Variants in ABCA2 observed in about 807,000 individuals in gnomAD.
ABCA2 encodes the protein ATP binding cassette subfamily A member 2, also known as ATP-binding cassette sub-family A member 2.
ABCA2 carries 84 observed loss-of-function variants against 262.8 expected under a neutral mutation model. That is an observed-to-expected ratio of 0.32 (90% CI 0.27 to 0.38). The LOEUF is 0.38. Ranked by LOEUF, ABCA2 falls within the 10% of genes least tolerant of loss-of-function variation. ABCA2 has a pLI of 1.00. For missense variants in ABCA2, 2,662 were observed against 3,405.9 expected, an observed-to-expected ratio of 0.78 and a Z score of 5.44; for synonymous variants, 1,696 against 1,502.9, an observed-to-expected ratio of 1.13 and a Z score of -2.97.
chr9:137,028,673 T>C (rs1296104833), upstream of ABCA2: 1 of 1,185,012 alleles, frequency 8.4e-7, no homozygotes, highest in East Asian at 8.1e-5. The surrounding 1 kb of genome is among the most constrained non-coding windows in gnomAD (Gnocchi z 6.9). Flanking sequence ...AAGGGTCTCC[T>C]GTGTGCTTTG....
chr9:137,017,715 G>C, intron 16 of ABCA2, 23 bp from the exon 17 acceptor site: 1 of 1,608,468 alleles, frequency 6.2e-7, no homozygotes, highest in Non-Finnish European at 8.5e-7. Flanking sequence ...CAGGGGCTTG[G>C]GGCAGGCCCC....
rs747538489 is a variant in ABCA2, at chr9:137,009,530, G to A, written c.6734+11C>T. 1 of 1,612,472 alleles carries A rather than the reference G, an allele frequency of 6.2e-7. No individual in the cohort carries two copies. The highest frequency in any genetic ancestry group is 2.2e-5 in the East Asian group (1 of 44,872). The stretch of plus-strand genomic sequence containing the variant: ...GGTGGGGGCACAAAGAGGGGGTGGG[G>A]GCGCCCTCACCTGTGTGATGTCAGC... On this transcript the variant is annotated intron_variant, in intron 44 of 48. Coordinates refer to ENST00000341511, the MANE Select transcript of ABCA2 (RefSeq NM_001606.5).
At position 137,015,181 on chromosome 9, in the gene ABCA2, A is replaced by G. The variant is rs1438109973; in HGVS notation, c.3698-84T>C. The G allele has an allele frequency of 2.8e-6, 4 of 1,437,334 alleles. No homozygotes were observed. In the Admixed American group the frequency reaches 9.1e-5, roughly 33 times the overall value. The allele number at this position is 1,437,334 out of a possible 1,614,324, so 89.0% of individuals were successfully genotyped here. On this transcript the variant is annotated intron_variant, in intron 24 of 48. Coordinates refer to ENST00000341511, the MANE Select transcript of ABCA2 (RefSeq NM_001606.5). ...AATGGGAACCCAACTGGGTCAAGAT[A>G]TGGGCATTGGAGAGGAAGAACCAGG...
At chr9:137,010,489 C>G in intron 40 of ABCA2, 118 bp from the exon 41 acceptor site, 1 of 1,456,092 alleles carries the variant, frequency 6.9e-7, no homozygotes, top group Non-Finnish European at 9.3e-7. Context: ...CCCCACAGCC[C>G]CACCCCATGC....
Position 137,008,800 on chromosome 9 carries a change from G to A in ABCA2, c.6999C>T (p.Ser2333=), listed in dbSNP as rs764228129. 3.7e-6 allele frequency: 6 copies of A among 1,604,638 alleles called. No individual in the cohort carries two copies. The highest frequency in any genetic ancestry group is 5.1e-6 in the Non-Finnish European group (6 of 1,178,352). ...SEHISLAQVF[S]KMEQVSGVLG... is the part of the protein sequence containing the mutation. ...GCACGCCAGACACCTGCTCCATCTT[G>A]CTGAACACCTGGGCCAGCGAGATGT... The change falls in exon 47 of 49, where the codon AGC becomes AGT. Residue 2333 remains serine, a synonymous_variant. Coordinates refer to ENST00000341511, the MANE Select transcript of ABCA2 (RefSeq NM_001606.5).
intron 2 of ABCA2, 43 bp from the exon 3 acceptor site, chr9:137,023,883 G>A (rs777095485): frequency 3.2e-6 from 3 of 951,390 alleles, no homozygotes; most frequent in Admixed American, 1.9e-5. Flanking sequence ...GGGAGGGAGG[G>A]GGATCAAAAC....
intron 6 of ABCA2, 69 bp from the exon 7 acceptor site, chr9:137,022,070 C>T: frequency 2.7e-6 from 2 of 747,338 alleles, no homozygotes; most frequent in Admixed American, 3.0e-5. Flanking sequence ...GGGCGTGGCT[C>T]CGATGGACGT....
rs1413561024 is a variant in ABCA2, at chr9:137,013,325, G to A, written c.4551-7C>T. On this transcript the variant is annotated splice_polypyrimidine_tract_variant and splice_region_variant and intron_variant, in intron 29 of 48. Transcript: ENST00000341511. ...GTCGGGCGATAGCCGCAGCCTGCGG[G>A]CACCGACAGTGTGAGGTGGGGCTGC... 3.9e-6 allele frequency: 6 copies of A among 1,540,828 alleles called. No homozygotes were observed. Among genetic ancestry groups the A allele is most frequent in the Non-Finnish European group, 5.2e-6 (6 of 1,150,212 alleles).
At position 137,021,479 on chromosome 9, in the gene ABCA2, A is replaced by G. The variant is rs1475880336; in HGVS notation, c.810T>C (p.Ser270=). 1.2e-5 allele frequency: 19 copies of G among 1,611,698 alleles called. No individual in the cohort carries two copies. Among genetic ancestry groups the G allele is most frequent in the Admixed American group, 1.7e-5 (1 of 59,930 alleles). ...GCCTGGCACGCGCAGCAGCCTGCCC[A>G]CTGCAGACAGCATCCCGGTAGCCCT... ...ALQGYRDAVC[S]GQAAARARRF... is the part of the protein sequence containing the mutation. The change falls in exon 8 of 49, where the codon AGT becomes AGC. Residue 270 remains serine, a synonymous_variant. Coordinates refer to ENST00000341511, the MANE Select transcript of ABCA2 (RefSeq NM_001606.5). The surrounding 1 kb of genome is among the most constrained non-coding windows in gnomAD (Gnocchi z 6.0).
Position 137,021,980 on chromosome 9 carries a change from G to A in ABCA2, c.589C>T (p.Pro197Ser), listed in dbSNP as rs778313929. The A allele has an allele frequency of 1.9e-6, 3 of 1,591,692 alleles. No homozygotes were observed. Among genetic ancestry groups the A allele is most frequent in the Admixed American group, 3.5e-5 (2 of 56,660 alleles). The change falls in exon 7 of 49, where the codon CCC (proline) becomes TCC (serine). Residue 197 changes from proline (P) to serine (S), a missense_variant. Physicochemically the swap from Pro to Ser is moderately conservative, Grantham distance 74. Around this residue, in one of 12 missense-constraint regions of ABCA2, gnomAD observed 403 missense variants for 375.9 expected, o/e 1.07. Coordinates refer to ENST00000341511, the MANE Select transcript of ABCA2 (RefSeq NM_001606.5). The surrounding 1 kb of genome is among the most constrained non-coding windows in gnomAD (Gnocchi z 6.0). ...GACTGTGAATCCAGGGCAGATGAGG[G>A]ACCAAAGAGCAGGTGGTAGACCTAG... ...PPEVYHLLFG[P>S]SSALDSQSGL...
chr9:137,009,334 C>T (rs1479649972), intron 45 of ABCA2, 36 bp downstream of exon 45: 4 of 626,054 alleles, frequency 6.4e-6, no homozygotes, highest in Non-Finnish European at 1.1e-5. Context: ...CCCCCCGGGC[C>T]CGCCCCAGCC....
chr9:137,022,518 C>G (rs754830361), intron 5 of ABCA2, 40 bp from the exon 6 acceptor site: 15 of 1,600,314 alleles, frequency 9.4e-6, no homozygotes, highest in Middle Eastern at 1.7e-4. Context: ...GCCGCTGCAC[C>G]TTGGCAAGGT....
intron 6 of ABCA2, 126 bp downstream of exon 6, chr9:137,022,205 AGTGGGGGCGTGGCTCAGATG>A: frequency 4.8e-6 from 2 of 413,906 alleles, no homozygotes; most frequent in South Asian, 1.4e-4. Flanking sequence ...TGGCTCAGAG[AGTGGGGGCGTGGCTCAGATG>A]GTGGGGGCAA....
chr9:137,010,563 AC>A (rs772519279), intron 40 of ABCA2, 56 bp downstream of exon 40: 125 of 1,093,394 alleles, frequency 1.1e-4, no homozygotes, highest in Non-Finnish European at 1.3e-4. Context: ...CTGGGGCCCC[AC>A]CCCCCTGGCC....
Position 137,007,988 on chromosome 9 carries a change from T to C in ABCA2, c.7276-24A>G, listed in dbSNP as rs750094269. The C allele has an allele frequency of 3.8e-6, 6 of 1,597,760 alleles. No individual in the cohort carries two copies. In the African/African-American group the frequency reaches 8.0e-5, roughly 21 times the overall value. ...GCCTGTGCACAGGGGAGGTCAGGCT[T>C]ATGGGGCATCCTGTGCCACCCCCTG... On this transcript the variant is annotated intron_variant, in intron 48 of 48. Coordinates refer to ENST00000341511, the MANE Select transcript of ABCA2 (RefSeq NM_001606.5).
In ABCA2 at chr9:137,022,497, G is replaced by A. The variant is rs375840624; in HGVS notation, c.440-19C>T. The A allele has an allele frequency of 2.1e-4, 345 of 1,607,670 alleles. No individual in the cohort carries two copies. The highest frequency in any genetic ancestry group is 3.3e-4 in the Middle Eastern group (2 of 6,042). ...GAAGACACTGGACAGGCAGGAAGGC[G>A]AGGCTGAGAGGCCGCTGCACCTTGG... On this transcript the variant is annotated intron_variant, in intron 5 of 48. Coordinates refer to ENST00000341511, the MANE Select transcript of ABCA2 (RefSeq NM_001606.5).
rs1484211110 is a variant in ABCA2, at chr9:137,007,916, C to T, written c.*13G>A. ...TCAGTGGAGCGTGTCCTCCCTGGCCCAGCTCTGGGTGGTCAGCAGAGCGTG... is the reference window on the plus strand; with the variant it reads ...TCAGTGGAGCGTGTCCTCCCTGGCCTAGCTCTGGGTGGTCAGCAGAGCGTG... On this transcript the variant is annotated 3_prime_UTR_variant, in exon 49 of 49. Coordinates refer to ENST00000341511, the MANE Select transcript of ABCA2 (RefSeq NM_001606.5). 1 of 1,605,434 alleles carries T rather than the reference C, an allele frequency of 6.2e-7. No individual in the cohort carries two copies. The highest frequency in any genetic ancestry group is 8.5e-7 in the Non-Finnish European group (1 of 1,179,798).
intron 26 of ABCA2, 123 bp from the exon 27 acceptor site, chr9:137,014,527 A>G: frequency 6.9e-7 from 1 of 1,443,602 alleles, no homozygotes; most frequent in Non-Finnish European, 9.3e-7. Flanking sequence ...ACCTCTGGCC[A>G]CCAGGACCAC....
intron 1 of ABCA2, among the ~76,000 whole-genome samples, chr9:137,025,255 T>A (rs533895747): frequency 1.3e-5 from 2 of 152,214 alleles, no homozygotes; most frequent in Admixed American, 6.5e-5. Context: ...AACCAAGGAC[T>A]TTACCGGTTC....
Sources: gnomAD v4.1 joint callset for allele counts (sites outside exome capture counted in the v4.1 genomes callset) on GRCh38, gnomAD v4.1.1 for gene constraint, gnomAD v4.1.1 regional missense constraint, Gnocchi (gnomAD v3.1) non-coding constraint, MANE v1.5 for transcripts, NCBI Gene and HGNC (gene_info 2026-07-23, HGNC 2026-07-21) for gene names.